Variants in KCNAB1 observed in about 807,000 individuals in gnomAD.
KCNAB1 encodes potassium voltage-gated channel subfamily A regulatory beta subunit 1.
A neutral mutation model predicts 64.6 loss-of-function variants in KCNAB1; 35 were observed. The observed-to-expected ratio is 0.54, with a 90% confidence interval of 0.41 to 0.72. The LOEUF (loss-of-function observed/expected upper bound fraction) is 0.72, where lower values mean the gene tolerates loss of function less well. Ranked by LOEUF, KCNAB1 falls within the 30% of genes least tolerant of loss-of-function variation. The pLI, the probability that KCNAB1 is intolerant of heterozygous loss-of-function variation, is 0.00. For synonymous variants in KCNAB1, 177 were observed against 183.8 expected, an observed-to-expected ratio of 0.96 and a Z score of 0.30; for missense variants, 401 against 512.9, an observed-to-expected ratio of 0.78 and a Z score of 2.11.
intron 1 of KCNAB1, among the ~76,000 whole-genome samples, chr3:156,192,649 T>A (rs1275178469): frequency 6.6e-6 from 1 of 152,166 alleles, no homozygotes; most frequent in Non-Finnish European, 1.5e-5. Context: ...TTTTGTTTCA[T>A]GCATTTTTGA....
At chr3:156,255,723 T>G (rs1718065299) in intron 1 of KCNAB1, among the ~76,000 whole-genome samples, 1 of 152,222 alleles carries the variant, frequency 6.6e-6, no homozygotes, top group African/African-American at 2.4e-5. Context: ...CTTTTCAAGG[T>G]CCAGAGTAAA....
At chr3:156,370,111 TTCTCC>T (rs1726206453) in intron 1 of KCNAB1, among the ~76,000 whole-genome samples, 2 of 152,218 alleles carry the variant, frequency 1.3e-5, no homozygotes, top group African/African-American at 4.8e-5. Context: ...AGGTCTAAAA[TTCTCC>T]CTCTTGTGTT....
intron 1 of KCNAB1, among the ~76,000 whole-genome samples, chr3:156,165,254 G>C (rs530525082): frequency 1.4e-5 from 2 of 142,138 alleles, no homozygotes; most frequent in Non-Finnish European, 3.0e-5. Flanking sequence ...CTCCAGCCTG[G>C]GCGACAGAGC....
intron 1 of KCNAB1, among the ~76,000 whole-genome samples, chr3:156,178,996 G>T: frequency 9.8e-6 from 1 of 102,120 alleles, no homozygotes; most frequent in Admixed American, 1.1e-4. Flanking sequence ...GCGAGACTCC[G>T]TCTCAAAAAA....
At chr3:156,135,818 C>T (rs900937806) in intron 1 of KCNAB1, among the ~76,000 whole-genome samples, 2 of 152,144 alleles carry the variant, frequency 1.3e-5, no homozygotes, top group South Asian at 2.1e-4. Flanking sequence ...AGCCCCATGG[C>T]AGAGCATGTG....
chr3:156,245,017 G>A (rs1717371586), intron 1 of KCNAB1, among the ~76,000 whole-genome samples: 1 of 152,164 alleles, frequency 6.6e-6, no homozygotes, highest in South Asian at 2.1e-4. Flanking sequence ...AAGCTCTAGG[G>A]ATTTCACTGT....
At chr3:156,477,507 A>C (rs562515058) in intron 8 of KCNAB1, among the ~76,000 whole-genome samples, 1 of 152,134 alleles carries the variant, frequency 6.6e-6, no homozygotes, top group Non-Finnish European at 1.5e-5. Context: ...CCAGCAGGCC[A>C]ATCAACCTCT....
chr3:156,312,729 A>AAAAAAAAAAAAAC (rs1560189800), intron 1 of KCNAB1, among the ~76,000 whole-genome samples: 24 of 150,206 alleles, frequency 1.6e-4, no homozygotes, highest in Admixed American at 2.7e-4. Flanking sequence ...AAAAAAAAAA[A>AAAAAAAAAAAAAC]AACTCATAAT....
At chr3:156,224,190 T>A (rs1180024721) in intron 1 of KCNAB1, among the ~76,000 whole-genome samples, 1 of 152,164 alleles carries the variant, frequency 6.6e-6, no homozygotes, top group Admixed American at 6.5e-5. Context: ...CTGCCTGGGG[T>A]CAGCGGGGCC....
intron 1 of KCNAB1, among the ~76,000 whole-genome samples, chr3:156,292,587 G>T (rs62287665): frequency 2.0e-5 from 3 of 152,148 alleles, no homozygotes; most frequent in Non-Finnish European, 4.4e-5. Flanking sequence ...GCCCAGGCTG[G>T]AGTGCAGTGG....
intron 1 of KCNAB1, among the ~76,000 whole-genome samples, chr3:156,218,799 A>AT (rs755200011): frequency 0.2 from 20,041 of 101,540 alleles, 1,601 homozygotes; most frequent in African/African-American, 0.22. Context: ...AAAAAAAAAA[A>AT]AAAATAATAA....
At chr3:156,520,466 TACTC>T (rs1180047881) in intron 11 of KCNAB1, among the ~76,000 whole-genome samples, 5 of 152,192 alleles carry the variant, frequency 3.3e-5, no homozygotes, top group African/African-American at 1.2e-4. Flanking sequence ...TAGTCCCAAA[TACTC>T]AGGAGGCTGA....
chr3:156,163,338 T>A (rs1716190666), intron 1 of KCNAB1, among the ~76,000 whole-genome samples: 1 of 152,024 alleles, frequency 6.6e-6, no homozygotes, highest in Non-Finnish European at 1.5e-5. Context: ...TTTTATGGAA[T>A]TTTTTTTAGG....
In KCNAB1 at chr3:156,361,251, C is replaced by G. The variant is rs994209423; in HGVS notation, c.276-60365C>G. ...TACTCCAGCGCCTTTGCACTTGCTA[C>G]TCCCTTCCTTCTCTTCCCTAGCCAT... On this transcript the variant is annotated intron_variant, in intron 1 of 13. Coordinates refer to ENST00000490337, the MANE Select transcript of KCNAB1 (RefSeq NM_172160.3). Among the ~76,000 whole-genome samples, 8 of 152,152 alleles carry G rather than the reference C, an allele frequency of 5.3e-5. 1 individual carries two copies. The highest frequency in any genetic ancestry group is 1.9e-4 in the African/African-American group (8 of 41,420).
chr3:156,337,807 C>T (rs1009592875), intron 1 of KCNAB1, among the ~76,000 whole-genome samples: 1 of 152,112 alleles, frequency 6.6e-6, no homozygotes, highest in African/African-American at 2.4e-5. Context: ...ATGATTGTGA[C>T]AATTAAATAC....
chr3:156,164,788 C>G (rs529980743), intron 1 of KCNAB1, among the ~76,000 whole-genome samples: 50 of 152,136 alleles, frequency 3.3e-4, no homozygotes, highest in Non-Finnish European at 6.6e-4. Flanking sequence ...TTTTATACCA[C>G]TCTGCTTTAT....
chr3:156,385,225 G>T (rs1712498501), intron 1 of KCNAB1, among the ~76,000 whole-genome samples: 1 of 152,192 alleles, frequency 6.6e-6, no homozygotes, highest in South Asian at 2.1e-4. Context: ...GAAGCTCAGA[G>T]ATGAGGATGA....
intron 12 of KCNAB1, 29 bp downstream of exon 12, chr3:156,523,976 T>C (rs745477006): frequency 1.1e-5 from 18 of 1,605,354 alleles, no homozygotes; most frequent in Non-Finnish European, 1.4e-5. Flanking sequence ...TATGGGGTGG[T>C]AGAGGGACTT....
At chr3:156,161,665 C>T (rs1716089078) in intron 1 of KCNAB1, among the ~76,000 whole-genome samples, 1 of 152,092 alleles carries the variant, frequency 6.6e-6, no homozygotes, top group Non-Finnish European at 1.5e-5. Flanking sequence ...TAATTCTACC[C>T]ACATATGGGT....
Sources: gnomAD v4.1 joint callset for allele counts (sites outside exome capture counted in the v4.1 genomes callset) on GRCh38, gnomAD v4.1.1 for gene constraint, MANE v1.5 for transcripts, NCBI Gene and HGNC (gene_info 2026-07-23, HGNC 2026-07-21) for gene names.